Variants in MAN1A1 observed in about 807,000 individuals in gnomAD.
The protein encoded by MAN1A1 is mannosidase alpha class 1A member 1.
A neutral mutation model predicts 70.8 loss-of-function variants in MAN1A1; 29 were observed. The observed-to-expected ratio is 0.41, with a 90% CI of 0.31 to 0.56. The LOEUF (loss-of-function observed/expected upper bound fraction) is 0.56. Ranked by LOEUF, MAN1A1 falls within the 20% of genes least tolerant of loss-of-function variation. The probability of loss-of-function intolerance (pLI) is 0.29; values close to 1 mark genes in which losing one functional copy is unlikely to be tolerated. For missense variants in MAN1A1, 747 were observed against 841.3 expected (o/e 0.89, Z 1.39); for synonymous variants, 349 against 330.1 (o/e 1.06, Z -0.62).
intron 2 of MAN1A1, among the ~76,000 whole-genome samples, chr6:119,319,811 T>C (rs1054135283): frequency 2.0e-5 from 3 of 152,158 alleles, no homozygotes; most frequent in African/African-American, 7.2e-5. Context: ...GAAGTGGCTA[T>C]TGGTCAAAGT....
intron 2 of MAN1A1, among the ~76,000 whole-genome samples, chr6:119,346,053 C>T (rs1773719254): frequency 6.6e-6 from 1 of 151,940 alleles, no homozygotes; most frequent in Non-Finnish European, 1.5e-5. Flanking sequence ...TTGGAGTGAG[C>T]TGAGATCACC....
At chr6:119,213,382 T>C (rs975199428) in intron 6 of MAN1A1, among the ~76,000 whole-genome samples, 4 of 152,166 alleles carry the variant, frequency 2.6e-5, no homozygotes, top group African/African-American at 9.7e-5. Flanking sequence ...ATGAAACACT[T>C]TGGCATCTAA....
intron 4 of MAN1A1, among the ~76,000 whole-genome samples, chr6:119,301,099 T>A (rs976722479): frequency 6.6e-6 from 1 of 152,188 alleles, no homozygotes; most frequent in Non-Finnish European, 1.5e-5. Flanking sequence ...TTGTGCGTGG[T>A]GACTGGGATT....
intron 8 of MAN1A1, among the ~76,000 whole-genome samples, chr6:119,200,108 T>G (rs1773677077): frequency 6.6e-6 from 1 of 152,072 alleles, no homozygotes; most frequent in African/African-American, 2.4e-5. Flanking sequence ...GAAAGAGAGA[T>G]GAGATACAGA....
intron 5 of MAN1A1, among the ~76,000 whole-genome samples, chr6:119,274,145 GTT>G (rs1267741310): frequency 6.6e-6 from 1 of 152,170 alleles, no homozygotes; most frequent in Non-Finnish European, 1.5e-5. Flanking sequence ...GGTTTTGAGT[GTT>G]CTCATTTGTG....
intron 2 of MAN1A1, among the ~76,000 whole-genome samples, chr6:119,330,468 C>A (rs1016225186): frequency 1.3e-5 from 2 of 152,180 alleles, no homozygotes; most frequent in African/African-American, 2.4e-5. Context: ...TGTTCACTTT[C>A]TCTATCTTCA....
At chr6:119,347,432 G>A (rs567734093) in intron 2 of MAN1A1, among the ~76,000 whole-genome samples, 4 of 152,240 alleles carry the variant, frequency 2.6e-5, no homozygotes, top group South Asian at 4.1e-4. Flanking sequence ...TCATATTTTA[G>A]AAAATTGAAC....
chr6:119,237,303 CATGTT>C (rs1398110846), intron 6 of MAN1A1, among the ~76,000 whole-genome samples: 1 of 152,144 alleles, frequency 6.6e-6, no homozygotes, highest in East Asian at 1.9e-4. Context: ...AAGAGTATCA[CATGTT>C]ACAGAGAAAT....
intron 2 of MAN1A1, among the ~76,000 whole-genome samples, chr6:119,327,612 T>C (rs994671063): frequency 2.0e-5 from 3 of 152,036 alleles, no homozygotes; most frequent in African/African-American, 7.2e-5. Context: ...CTACATTCCA[T>C]ATTTTTAAGA....
intron 6 of MAN1A1, among the ~76,000 whole-genome samples, chr6:119,236,048 A>T (rs1186381821): frequency 6.6e-6 from 1 of 151,280 alleles, no homozygotes; most frequent in African/African-American, 2.4e-5. Context: ...CTGAGTCAGG[A>T]GAATTGCTTG....
chr6:119,233,284 A>G (rs1273024751), intron 6 of MAN1A1, among the ~76,000 whole-genome samples: 1 of 152,202 alleles, frequency 6.6e-6, no homozygotes, highest in Non-Finnish European at 1.5e-5. Flanking sequence ...TCTAATCAAT[A>G]ACCTCTCTGG....
chr6:119,323,132 T>G (rs1047690747), intron 2 of MAN1A1, among the ~76,000 whole-genome samples: 1 of 152,226 alleles, frequency 6.6e-6, no homozygotes, highest in African/African-American at 2.4e-5. Flanking sequence ...GATCGCATTA[T>G]AAAATGTAGT....
chr6:119,271,955 A>C (rs1247175240), intron 5 of MAN1A1, among the ~76,000 whole-genome samples: 1 of 152,220 alleles, frequency 6.6e-6, no homozygotes, highest in Non-Finnish European at 1.5e-5. Flanking sequence ...TATTACTGGA[A>C]GGAGAAACAC....
At chr6:119,201,954 G>A (rs1773722543) in intron 7 of MAN1A1, among the ~76,000 whole-genome samples, 1 of 152,168 alleles carries the variant, frequency 6.6e-6, no homozygotes, top group Admixed American at 6.5e-5. Flanking sequence ...AGTTGCAGTG[G>A]ATGAGTTAGT....
chr6:119,287,965 T>G (rs1776423554), intron 5 of MAN1A1, among the ~76,000 whole-genome samples: 1 of 152,042 alleles, frequency 6.6e-6, no homozygotes, highest in South Asian at 2.1e-4. Flanking sequence ...GCTTGACTTT[T>G]TTATGGTGCT....
intron 2 of MAN1A1, among the ~76,000 whole-genome samples, chr6:119,338,014 T>C (rs1391128173): frequency 2.6e-5 from 4 of 151,454 alleles, no homozygotes; most frequent in Non-Finnish European, 4.4e-5. Flanking sequence ...CATTTCTAAT[T>C]ATGAGCTGAA....
At chr6:119,195,172 A>G (rs1773537073) in intron 8 of MAN1A1, among the ~76,000 whole-genome samples, 1 of 152,048 alleles carries the variant, frequency 6.6e-6, no homozygotes, top group Non-Finnish European at 1.5e-5. Flanking sequence ...TATTCCCCAC[A>G]TTAATGCCAG....
intron 10 of MAN1A1, 43 bp downstream of exon 10, chr6:119,189,621 G>C: frequency 6.3e-7 from 1 of 1,577,338 alleles, no homozygotes; most frequent in South Asian, 1.1e-5. Flanking sequence ...TTAAATCAAA[G>C]CATGTGGGAA....
At chr6:119,349,519 C>G (rs1440171021) in intron 1 of MAN1A1, 23 bp downstream of exon 1, 4 of 985,144 alleles carry the variant, frequency 4.1e-6, no homozygotes, top group Non-Finnish European at 4.8e-6. Context: ...AGCGCGCGAG[C>G]ACCTCGGGGA....
Sources: allele counts gnomAD v4.1 joint callset (sites outside exome capture counted in the v4.1 genomes callset), GRCh38; gene constraint gnomAD v4.1.1; transcripts MANE v1.5; gene names NCBI Gene and HGNC (gene_info 2026-07-23, HGNC 2026-07-21).